The following C19orf38 variants were observed in gnomAD, a reference collection of about 807,000 sequenced individuals.
C19orf38 encodes the protein protein HIDE1.
Under a neutral mutation model 26.6 loss-of-function variants are expected in C19orf38, and 14 were observed. The observed-to-expected ratio is 0.53, with a 90% confidence interval of 0.35 to 0.82. C19orf38 has a LOEUF of 0.82. C19orf38 is among the 40% of genes least tolerant of loss of function. The pLI is 0.01. For synonymous variants in C19orf38, 132 were observed against 128.5 expected, an observed-to-expected ratio of 1.03 and a Z score of -0.18; for missense variants, 261 against 299.5, an observed-to-expected ratio of 0.87 and a Z score of 0.95.
intron 5 of C19orf38, among the ~76,000 whole-genome samples, chr19:10,861,868 G>A (rs543232598): frequency 3.9e-5 from 6 of 151,990 alleles, no homozygotes; most frequent in Admixed American, 1.3e-4. Flanking sequence ...AATTACAGGC[G>A]TGAGCCACCG....
At chr19:10,863,998 G>A (rs541440173) in intron 6 of C19orf38, among the ~76,000 whole-genome samples, 13 of 152,226 alleles carry the variant, frequency 8.5e-5, no homozygotes, top group African/African-American at 2.4e-4. Flanking sequence ...CATAGACCCA[G>A]GTTTAAATCC....
At chr19:10,859,991 G>A in intron 5 of C19orf38, 33 bp downstream of exon 5, 1 of 1,540,706 alleles carries the variant, frequency 6.5e-7, no homozygotes, top group South Asian at 1.2e-5. Context: ...CTCCAGTGGG[G>A]AAAGGATTAC....
chr19:10,858,252 A>AAAAAAATTGC, intron 3 of C19orf38, 64 bp from the exon 4 acceptor site: 1 of 1,157,372 alleles, frequency 8.6e-7, no homozygotes, highest in Non-Finnish European at 1.2e-6. Flanking sequence ...AAAAAAAAAA[A>AAAAAAATTGC]CAGAAATTGC....
At chr19:10,845,012 T>C (rs1230429870), upstream of C19orf38, among the ~76,000 whole-genome samples, 1 of 118,676 alleles carries the variant, frequency 8.4e-6, no homozygotes, top group Non-Finnish European at 1.9e-5. Flanking sequence ...AAAAAAAATT[T>C]AGCCAGGTGC....
intron 1 of C19orf38, among the ~76,000 whole-genome samples, chr19:10,838,734 C>T (rs1408609581): frequency 2.0e-5 from 3 of 152,046 alleles, no homozygotes; most frequent in Non-Finnish European, 4.4e-5. Context: ...TAGCAAAATA[C>T]AGGGGGGTTT....
upstream of C19orf38, among the ~76,000 whole-genome samples, chr19:10,846,572 C>G (rs182026763): frequency 6.6e-6 from 1 of 152,024 alleles, no homozygotes; most frequent in Admixed American, 6.6e-5. Context: ...ACAACAAATC[C>G]AAACTGTGGC....
chr19:10,848,023 T>C (rs1174795423), upstream of C19orf38, among the ~76,000 whole-genome samples: 1 of 151,902 alleles, frequency 6.6e-6, no homozygotes, highest in Non-Finnish European at 1.5e-5. Context: ...AAACCCCGTC[T>C]CTACTAAAAA....
Position 10,858,226 on chromosome 19 carries a change from TAAAAAAAAAA to T in C19orf38, c.434-73_434-64del, listed in dbSNP as rs371026775. ...CTGGGTGAAAGAATGAGACTCTGTCTAAAAAAAAAAAAAAAAAAAAAAAAAACAGAAATTG... is the reference window on the plus strand; with the variant it reads ...CTGGGTGAAAGAATGAGACTCTGTCTAAAAAAAAAAAAAAAACAGAAATTG... On this transcript the variant is annotated intron_variant, in intron 3 of 6. Transcript: ENST00000397820. 7.5e-5 allele frequency: 24 copies of T among 321,618 alleles called. No homozygotes were observed. The African/African-American group carries it at 8.6e-4, about 11-fold the overall frequency. 19.9% of individuals were successfully genotyped at this position (321,618 alleles called of 1,614,324 possible).
chr19:10,852,828 C>G (rs1430826587), intron 2 of C19orf38, among the ~76,000 whole-genome samples: 1 of 151,974 alleles, frequency 6.6e-6, no homozygotes, highest in Non-Finnish European at 1.5e-5. Flanking sequence ...ATGTCCTTTT[C>G]TGATCTCTGA....
chr19:10,858,832 G>T (rs972827339), intron 4 of C19orf38, among the ~76,000 whole-genome samples: 2 of 152,030 alleles, frequency 1.3e-5, no homozygotes, highest in Admixed American at 1.3e-4. Context: ...TCTCTCCTCC[G>T]AGAGTGGGGA....
intron 1 of C19orf38, among the ~76,000 whole-genome samples, chr19:10,842,824 C>A (rs2073488756): frequency 6.6e-6 from 1 of 152,208 alleles, no homozygotes; most frequent in African/African-American, 2.4e-5. Flanking sequence ...CCGGGGACAT[C>A]TATGGCCGGC....
At chr19:10,860,069 A>G in intron 5 of C19orf38, 111 bp downstream of exon 5, 1 of 1,187,350 alleles carries the variant, frequency 8.4e-7, no homozygotes, top group Admixed American at 2.0e-5. Flanking sequence ...TGTTCCCTTT[A>G]GGGTCAAAAC....
chr19:10,861,424 T>C lies in C19orf38; in HGVS notation c.505+1466T>C, dbSNP rs373321561. Among the ~76,000 whole-genome samples, 62 of 152,334 alleles carry C rather than the reference T, an allele frequency of 4.1e-4. 1 individual carries two copies. Among genetic ancestry groups the C allele is most frequent in the Middle Eastern group, 6.8e-3 (2 of 294 alleles). ...ATTCCTGGTCCAACACACACACTTA[T>C]TGAGCACTTACTATGTGCTAAGATC... On this transcript the variant is annotated intron_variant, in intron 5 of 6. Coordinates refer to ENST00000397820, the MANE Select transcript of C19orf38 (RefSeq NM_001136482.3).
At chr19:10,859,531 T>C (rs900899057) in intron 4 of C19orf38, among the ~76,000 whole-genome samples, 27 of 151,100 alleles carry the variant, frequency 1.8e-4, no homozygotes, top group African/African-American at 6.1e-4. Context: ...TACAGGCACA[T>C]GCCACCACAC....
At chr19:10,861,493 A>G (rs1256302283) in intron 5 of C19orf38, among the ~76,000 whole-genome samples, 2 of 152,246 alleles carry the variant, frequency 1.3e-5, no homozygotes, top group Non-Finnish European at 2.9e-5. Context: ...CTGTCTGTCC[A>G]CAAGCCCATT....
intron 5 of C19orf38, among the ~76,000 whole-genome samples, chr19:10,860,992 A>C (rs1294329263): frequency 2.0e-5 from 3 of 151,336 alleles, no homozygotes; most frequent in African/African-American, 7.3e-5. Context: ...AAAATACAAA[A>C]ATTAGCTGGG....
At chr19:10,859,244 ATGTGTGTGTGTGTGTG>A (rs35791729) in intron 4 of C19orf38, among the ~76,000 whole-genome samples, 9 of 119,432 alleles carry the variant, frequency 7.5e-5, no homozygotes, top group African/African-American at 1.3e-4. Flanking sequence ...GCTTTTATAT[ATGTGTGTGTGTGTGTG>A]TGTGTGTGTG....
At chr19:10,861,183 C>T (rs145582225) in intron 5 of C19orf38, among the ~76,000 whole-genome samples, 2 of 152,262 alleles carry the variant, frequency 1.3e-5, no homozygotes, top group African/African-American at 4.8e-5. Flanking sequence ...ATTAAGTGAT[C>T]ATTGGGTGCT....
chr19:10,851,289 T>G (rs2073569622), intron 2 of C19orf38, among the ~76,000 whole-genome samples: 1 of 151,112 alleles, frequency 6.6e-6, no homozygotes, highest in Non-Finnish European at 1.5e-5. Context: ...CCTGACCTCA[T>G]GATCCGCCTA....
Sources: gnomAD v4.1 joint callset for allele counts (sites outside exome capture counted in the v4.1 genomes callset) on GRCh38, gnomAD v4.1.1 for gene constraint, MANE v1.5 for transcripts, NCBI Gene and HGNC (gene_info 2026-07-23, HGNC 2026-07-21) for gene names.